RPF1: variants seen among roughly 807,000 people sequenced by gnomAD.
The protein encoded by RPF1 is ribosome production factor 1.
RPF1 carries 34 observed loss-of-function variants against 41.9 expected under a neutral mutation model. The observed-to-expected ratio is 0.81, with a 90% CI of 0.62 to 1.08. The LOEUF (loss-of-function observed/expected upper bound fraction) is 1.08. RPF1 is among the 50% of genes least tolerant of loss of function. The pLI is 0.00. For missense variants in RPF1, 425 were observed against 435.2 expected (o/e 0.98, Z 0.21); for synonymous variants, 140 against 148.9 (o/e 0.94, Z 0.43).
In RPF1 at chr1:84,479,509, G is replaced by A; in HGVS notation, c.228G>A (p.Lys76=). Residue 76 remains lysine, a splice_region_variant and synonymous_variant, in exon 1 of 9, where the codon AAG becomes AAA. Transcript: ENST00000370654. The part of the protein sequence containing the change: ...MFTRWKQQQR[K]EKLAAKKKLK... ...CGCGGTGGAAACAGCAGCAGCGGAA[G>A]GTACGCGAGAGGCGGGGGCTGCCGG... 6.2e-7 allele frequency: 1 copy of A among 1,613,584 alleles called. No homozygotes were observed. Among genetic ancestry groups the A allele is most frequent in the African/African-American group, 1.3e-5 (1 of 75,048 alleles).
chr1:84,492,199 G>A (rs312402), intron 5 of RPF1, among the ~76,000 whole-genome samples: 2,625 of 152,118 alleles, frequency 0.017, 67 homozygotes, highest in African/African-American at 0.058. Context: ...ACTTAGCATG[G>A]GTTCAGGAAT....
At chr1:84,480,426 A>G (rs773729033) in intron 1 of RPF1, among the ~76,000 whole-genome samples, 10 of 152,228 alleles carry the variant, frequency 6.6e-5, no homozygotes, top group Non-Finnish European at 1.5e-4. Flanking sequence ...TTGACAATAC[A>G]AATACAGATA....
Position 84,498,256 on chromosome 1 carries a change from C to T in RPF1, c.*786C>T, listed in dbSNP as rs1681981555. On this transcript the variant is annotated 3_prime_UTR_variant, in exon 9 of 9. Transcript: ENST00000370654. The stretch of plus-strand genomic sequence containing the variant: ...GAGTAGGTGGAAAAAACTGTACAAA[C>T]TTAACCCCTTCAGGTGTTCAGAACA... The T allele has an allele frequency of 6.6e-6, 1 of 152,622 alleles. No individual in the cohort carries two copies. Among genetic ancestry groups the T allele is most frequent in the Admixed American group, 6.5e-5 (1 of 15,290 alleles). The allele number at this position is 152,622 out of a possible 1,614,324, so 9.5% of individuals were successfully genotyped here. A position where few individuals can be genotyped will look rare whatever the true frequency, so the allele number is the denominator to read the frequency against.
intron 1 of RPF1, 64 bp downstream of exon 1, chr1:84,479,573 G>C: frequency 1.3e-6 from 2 of 1,483,548 alleles, no homozygotes; most frequent in Non-Finnish European, 1.9e-6. Flanking sequence ...GGCGGTCGCG[G>C]GGCGCACATC....
intron 2 of RPF1, among the ~76,000 whole-genome samples, 181 bp from the exon 3 acceptor site, chr1:84,482,734 T>TAAAA (rs397963036): frequency 6.9e-6 from 1 of 144,676 alleles, no homozygotes. Flanking sequence ...CCAGATTGTT[T>TAAAA]AAAAAAAAAA....
At chr1:84,482,882 C>A in intron 2 of RPF1, 33 bp from the exon 3 acceptor site, 1 of 1,355,832 alleles carries the variant, frequency 7.4e-7, no homozygotes, top group Non-Finnish European at 1.0e-6. Flanking sequence ...ATGTAAAATC[C>A]TTCTAAAATG....
Position 84,479,368 on chromosome 1 carries a change from A to T in RPF1, c.87A>T (p.Ala29=), listed in dbSNP as rs1681597383. 2 of 1,614,054 alleles carry T rather than the reference A, an allele frequency of 1.2e-6. No individual in the cohort carries two copies. The highest frequency in any genetic ancestry group is 1.7e-6 in the Non-Finnish European group (2 of 1,179,938). ...CTGCCGAAGAACTTCAGGAGGCTGC[A>T]GGCGCTGGGGATGGGGCGACGGAAA... ...KAAAEELQEA[A]GAGDGATENG... is the part of the protein sequence containing the mutation. Residue 29 remains alanine (A), a synonymous_variant, in exon 1 of 9, where the codon GCA becomes GCT. Transcript: ENST00000370654.
intron 3 of RPF1, among the ~76,000 whole-genome samples, chr1:84,486,480 C>G (rs569922155): frequency 6.8e-6 from 1 of 147,098 alleles, no homozygotes; most frequent in East Asian, 2.1e-4. Context: ...CCCAGCTACT[C>G]GGGAGGCTGA....
intron 3 of RPF1, among the ~76,000 whole-genome samples, chr1:84,484,313 C>A (rs1051448273): frequency 6.6e-6 from 1 of 151,858 alleles, no homozygotes; most frequent in African/African-American, 2.4e-5. Flanking sequence ...TCCTATATAT[C>A]TCATTTTGTT....
chr1:84,482,951 CA>C lies in RPF1; in HGVS notation c.323del (p.Gln108ArgfsTer9). 1 of 1,612,112 alleles carries C rather than the reference CA, an allele frequency of 6.2e-7. No individual in the cohort carries two copies. Among genetic ancestry groups the C allele is most frequent in the Non-Finnish European group, 8.5e-7 (1 of 1,178,342 alleles). On this transcript the variant is annotated frameshift_variant, in exon 3 of 9. Coordinates refer to ENST00000370654, the MANE Select transcript of RPF1 (RefSeq NM_025065.7). LOFTEE classifies it high-confidence loss of function. Reference sequence around the variant, plus strand: ...GCCTGTACCCAAGACCATTGACAACCAGCGAGTGTATGATGAAACCACAGTA... The same window carrying C: ...GCCTGTACCCAAGACCATTGACAACCGCGAGTGTATGATGAAACCACAGTA... ...PKPVPKTIDN[Q>X]RVYDETTVDP...
intron 6 of RPF1, 95 bp downstream of exon 6, chr1:84,495,550 TAATG>T: frequency 1.6e-6 from 1 of 639,154 alleles, no homozygotes; most frequent in Non-Finnish European, 2.6e-6. Flanking sequence ...TTTATTTTAA[TAATG>T]GCATTTGTTC....
At chr1:84,486,004 T>C (rs993459793) in intron 3 of RPF1, among the ~76,000 whole-genome samples, 4 of 152,130 alleles carry the variant, frequency 2.6e-5, no homozygotes, top group Non-Finnish European at 4.4e-5. Flanking sequence ...AAATTGACCT[T>C]TTAGCAAAGA....
chr1:84,496,512 T>C (rs1056222430), intron 8 of RPF1, 142 bp downstream of exon 8: 1 of 597,502 alleles, frequency 1.7e-6, no homozygotes, highest in Non-Finnish European at 2.8e-6. Context: ...CAAACCACTA[T>C]AGCACGTTTA....
chr1:84,489,025 T>A (rs995014488), intron 3 of RPF1, among the ~76,000 whole-genome samples: 1 of 152,100 alleles, frequency 6.6e-6, no homozygotes, highest in African/African-American at 2.4e-5. Flanking sequence ...TCTTCTTTGA[T>A]CCTGTTGAAT....
intron 3 of RPF1, among the ~76,000 whole-genome samples, chr1:84,487,316 T>C (rs1337475154): frequency 6.6e-6 from 1 of 152,202 alleles, no homozygotes; most frequent in Non-Finnish European, 1.5e-5. Flanking sequence ...TCATGGTATG[T>C]TCAGACTAAT....
rs752996347 is a variant in RPF1, at chr1:84,483,001, G to A, written c.366+6G>A. ...TAGACCCTAATGATGAAGAGGTAAT[G>A]TTAGAAGTCTTAAATTAGTTTGAAT... On this transcript the variant is annotated splice_donor_region_variant and intron_variant, in intron 3 of 8. Transcript: ENST00000370654. 4 of 1,523,184 alleles carry A rather than the reference G, an allele frequency of 2.6e-6. No homozygotes were observed. The highest frequency in any genetic ancestry group is 3.6e-6 in the Non-Finnish European group (4 of 1,097,388). The allele number at this position is 1,523,184 out of a possible 1,614,324, so 94.4% of individuals were successfully genotyped here.
chr1:84,488,090 A>G (rs1339493902), intron 3 of RPF1, among the ~76,000 whole-genome samples: 2 of 152,090 alleles, frequency 1.3e-5, no homozygotes, highest in South Asian at 2.1e-4. Context: ...CTTCATATCT[A>G]TAAGGGCAAA....
intron 3 of RPF1, among the ~76,000 whole-genome samples, chr1:84,485,435 G>A (rs1206275796): frequency 6.6e-6 from 1 of 152,122 alleles, no homozygotes; most frequent in Non-Finnish European, 1.5e-5. Context: ...TAATGATTTT[G>A]TGCATGACAC....
rs991265194 is a variant in RPF1, at chr1:84,490,612, G to A, written c.616+140G>A. The A allele has an allele frequency of 8.4e-6, 5 of 593,966 alleles. No individual in the cohort carries two copies. The African/African-American group carries it at 9.8e-5, about 12-fold the overall frequency. The allele number at this position is 593,966 out of a possible 1,614,324, so 36.8% of individuals were successfully genotyped here. ...CAGAAAATTGTATCTCTTTCCAAGA[G>A]TCTATAAACTGATTTTTCCTTTGTA... On this transcript the variant is annotated intron_variant, in intron 5 of 8. Coordinates refer to ENST00000370654, the MANE Select transcript of RPF1 (RefSeq NM_025065.7).
Sources: allele counts gnomAD v4.1 joint callset (sites outside exome capture counted in the v4.1 genomes callset), GRCh38; gene constraint gnomAD v4.1.1; transcripts MANE v1.5; gene names NCBI Gene and HGNC (gene_info 2026-07-23, HGNC 2026-07-21).